Variants in RUFY2 observed in about 807,000 individuals in gnomAD.
The protein encoded by RUFY2 is RUN and FYVE domain containing 2, also known as RUN and FYVE domain-containing protein 2.
Under a neutral mutation model 94.4 loss-of-function variants are expected in RUFY2, and 49 were observed. The observed-to-expected ratio is 0.52, with a 90% CI of 0.41 to 0.66. The LOEUF is 0.66. RUFY2 is among the 30% of genes least tolerant of loss of function. The pLI, the probability that RUFY2 is intolerant of heterozygous loss-of-function variation, is 0.00. For missense variants in RUFY2, 541 were observed against 692.8 expected, an observed-to-expected ratio of 0.78 and a Z score of 2.46; for synonymous variants, 255 against 235.7, an observed-to-expected ratio of 1.08 and a Z score of -0.75.
intron 15 of RUFY2, among the ~76,000 whole-genome samples, chr10:68,362,288 A>C (rs2132471262): frequency 6.6e-6 from 1 of 152,326 alleles, no homozygotes; most frequent in South Asian, 2.1e-4. Flanking sequence ...TGCCTGCGTC[A>C]CTGTTCTCCA....
Position 68,345,406 on chromosome 10 carries a change from A to C in RUFY2, c.*362T>G, listed in dbSNP as rs1423712547. 1.0e-5 allele frequency: 4 copies of C among 396,172 alleles called. No individual in the cohort carries two copies. The highest frequency in any genetic ancestry group is 1.3e-5 in the Non-Finnish European group (3 of 225,014). 24.5% of individuals were successfully genotyped at this position (396,172 alleles called of 1,614,324 possible). On this transcript the variant is annotated 3_prime_UTR_variant, in exon 18 of 18. Coordinates refer to ENST00000602465, the MANE Select transcript of RUFY2 (RefSeq NM_001330103.2). ...CAGTTTCAGAACTGTGAAGCTTTAA[A>C]GTGCATTAAGAGAACTGCAGGCACC... is the stretch of plus-strand genomic sequence containing the variant.
chr10:68,365,661 G>T (rs1037542676), intron 13 of RUFY2, among the ~76,000 whole-genome samples: 1 of 152,206 alleles, frequency 6.6e-6, no homozygotes, highest in Non-Finnish European at 1.5e-5. Flanking sequence ...TATTAGAAGT[G>T]TTCTGGTCTT....
At chr10:68,401,252 G>A (rs1222538338) in intron 3 of RUFY2, among the ~76,000 whole-genome samples, 1 of 152,190 alleles carries the variant, frequency 6.6e-6, no homozygotes, top group Admixed American at 6.5e-5. Flanking sequence ...CTGAGCCTGT[G>A]CCCTGGATTC....
chr10:68,400,558 C>T (rs1385413551), intron 3 of RUFY2, among the ~76,000 whole-genome samples: 4 of 151,628 alleles, frequency 2.6e-5, no homozygotes, highest in Non-Finnish European at 5.9e-5. Context: ...CACCTGTAAT[C>T]CCAGCTACTC....
chr10:68,388,334 G>A (rs550126624), intron 7 of RUFY2, among the ~76,000 whole-genome samples: 4 of 151,276 alleles, frequency 2.6e-5, no homozygotes, highest in South Asian at 4.2e-4. Flanking sequence ...GTGGTGTTAC[G>A]TGTCTGTAAT....
At chr10:68,355,260 CT>C in intron 16 of RUFY2, 92 bp downstream of exon 16, 1 of 904,306 alleles carries the variant, frequency 1.1e-6, no homozygotes. Context: ...TCTATATATC[CT>C]GGGGTTAATA....
intron 16 of RUFY2, among the ~76,000 whole-genome samples, chr10:68,349,628 T>G (rs972860309): frequency 6.6e-6 from 1 of 151,902 alleles, no homozygotes; most frequent in African/African-American, 2.4e-5. Context: ...AAGCTCCGCC[T>G]CCCGGGTTCG....
At chr10:68,348,248 G>T (rs920113304) in intron 16 of RUFY2, among the ~76,000 whole-genome samples, 1 of 150,754 alleles carries the variant, frequency 6.6e-6, no homozygotes, top group Admixed American at 6.6e-5. Context: ...TGTAATCCCA[G>T]CACTTTTGAG....
At chr10:68,383,749 A>G (rs1439095262) in intron 10 of RUFY2, 49 bp downstream of exon 10, 3 of 1,288,058 alleles carry the variant, frequency 2.3e-6, no homozygotes, top group South Asian at 2.4e-5. Context: ...GCTTGAGGGT[A>G]AATTACTCCC....
chr10:68,366,585 A>G (rs1051718175), intron 13 of RUFY2, among the ~76,000 whole-genome samples: 3 of 144,780 alleles, frequency 2.1e-5, no homozygotes, highest in African/African-American at 7.5e-5. Context: ...TCTACTAAAA[A>G]TACAAAAATA....
intron 1 of RUFY2, chr10:68,405,609 G>A: frequency 1.3e-6 from 1 of 775,072 alleles, no homozygotes. Flanking sequence ...AAAATAAAAG[G>A]TAGTTAAAAT....
chr10:68,375,726 A>G (rs910923834), intron 13 of RUFY2, among the ~76,000 whole-genome samples: 14 of 148,530 alleles, frequency 9.4e-5, no homozygotes, highest in African/African-American at 3.2e-4. Flanking sequence ...CAGTGAGCCG[A>G]GATCACACCA....
intron 3 of RUFY2, among the ~76,000 whole-genome samples, chr10:68,398,070 T>C (rs2050528031): frequency 7.4e-6 from 1 of 135,868 alleles, no homozygotes; most frequent in Non-Finnish European, 1.5e-5. Flanking sequence ...GAGGGTACAG[T>C]CAGGCAAGAT....
chr10:68,407,097 C>T (rs888272759), intron 1 of RUFY2, 89 bp downstream of exon 1: 28 of 1,508,578 alleles, frequency 1.9e-5, no homozygotes, highest in African/African-American at 4.3e-5. Context: ...GCCTCGGCGT[C>T]TCCCCCAGCT....
intron 14 of RUFY2, 92 bp from the exon 15 acceptor site, chr10:68,363,776 C>T (rs1369594211): frequency 3.3e-6 from 3 of 915,922 alleles, no homozygotes; most frequent in African/African-American, 3.4e-5. Flanking sequence ...AAACAAACAT[C>T]CTTTAGCTTT....
At chr10:68,389,893 CAT>C (rs1422938354) in intron 7 of RUFY2, among the ~76,000 whole-genome samples, 2 of 152,068 alleles carry the variant, frequency 1.3e-5, no homozygotes, top group Non-Finnish European at 2.9e-5. Flanking sequence ...AATAGATATA[CAT>C]ATTATTGCTA....
intron 6 of RUFY2, among the ~76,000 whole-genome samples, 176 bp from the exon 7 acceptor site, chr10:68,393,379 A>G (rs2050147100): frequency 6.6e-6 from 1 of 152,220 alleles, no homozygotes; most frequent in Admixed American, 6.5e-5. Context: ...CCTTTGTTGA[A>G]TAAATTACTT....
intron 12 of RUFY2, 51 bp from the exon 13 acceptor site, chr10:68,377,023 G>A (rs1471403351): frequency 1.2e-6 from 2 of 1,602,774 alleles, no homozygotes; most frequent in African/African-American, 1.3e-5. Flanking sequence ...GAACTAGGGT[G>A]TAAAAGGGTG....
intron 13 of RUFY2, among the ~76,000 whole-genome samples, chr10:68,369,396 G>T (rs777368240): frequency 6.6e-6 from 1 of 151,530 alleles, no homozygotes; most frequent in Middle Eastern, 3.4e-3. Context: ...GAGGCAGGAG[G>T]ATTGCCTGAA....
Sources: gnomAD v4.1 joint callset for allele counts (sites outside exome capture counted in the v4.1 genomes callset) on GRCh38, gnomAD v4.1.1 for gene constraint, MANE v1.5 for transcripts, NCBI Gene and HGNC (gene_info 2026-07-23, HGNC 2026-07-21) for gene names.